DMTN: variants seen among roughly 807,000 people sequenced by gnomAD.
DMTN encodes dematin.
A neutral mutation model predicts 59.4 loss-of-function variants in DMTN; 27 were observed. The ratio of observed to expected loss-of-function variants is 0.45; its 90% confidence interval spans 0.33 to 0.63. The LOEUF is 0.63. Ranked by LOEUF, DMTN falls within the 20% of genes least tolerant of loss-of-function variation. The pLI, the probability that DMTN is intolerant of heterozygous loss-of-function variation, is 0.02. For missense variants in DMTN, 451 were observed against 528.9 expected, an observed-to-expected ratio of 0.85 and a Z score of 1.45; for synonymous variants, 221 against 203.7, an observed-to-expected ratio of 1.08 and a Z score of -0.72.
At chr8:22,067,264 C>A in intron 3 of DMTN, 105 bp downstream of exon 3, 1 of 1,332,926 alleles carries the variant, frequency 7.5e-7, no homozygotes, top group Non-Finnish European at 1.0e-6. Flanking sequence ...CAGTGGTGGT[C>A]CCTCCGGTGC....
intron 1 of DMTN, among the ~76,000 whole-genome samples, chr8:22,062,620 C>T (rs1410100007): frequency 6.6e-6 from 1 of 152,206 alleles, no homozygotes; most frequent in Non-Finnish European, 1.5e-5. Context: ...TTCTATCACA[C>T]TTCTTGGAAG....
At chr8:22,067,781 C>A in intron 4 of DMTN, 99 bp downstream of exon 4, 1 of 1,428,024 alleles carries the variant, frequency 7.0e-7, no homozygotes, top group Non-Finnish European at 9.4e-7. Context: ...TGGAGGTCTG[C>A]CTCGGCAAAA....
intron 11 of DMTN, 42 bp downstream of exon 11, chr8:22,080,286 C>T (rs117492336): frequency 1.1e-5 from 17 of 1,613,746 alleles, no homozygotes; most frequent in East Asian, 2.2e-5. Flanking sequence ...GTGGGAGGAA[C>T]GTGCATGTGG....
intron 1 of DMTN, among the ~76,000 whole-genome samples, chr8:22,061,160 G>A (rs920698878): frequency 6.6e-6 from 1 of 151,790 alleles, no homozygotes; most frequent in Non-Finnish European, 1.5e-5. Context: ...GAGTACTCCT[G>A]TAGTCCCAGC....
In DMTN at chr8:22,067,547, G is replaced by T. The variant is rs1354478882; in HGVS notation, c.114G>T (p.Val38=). The T allele has an allele frequency of 9.9e-6, 16 of 1,614,194 alleles. No homozygotes were observed. The highest frequency in any genetic ancestry group is 1.4e-5 in the Non-Finnish European group (16 of 1,180,040). ...TTCAGGCCAAGATGGACAATCAGGT[G>T]CTGGGCTACAAGGACCTGGCTGCCA... ...SSIVAKMDNQ[V]LGYKDLAAIP... Residue 38 remains valine, a synonymous_variant, in exon 4 of 16, where the codon GTG becomes GTT. Coordinates refer to ENST00000358242, the MANE Select transcript of DMTN (RefSeq NM_001387751.1).
rs970740537 is a variant in DMTN at position 22,058,930 on chromosome 8, C to T, written c.-172+1794C>T. On this transcript the variant is annotated intron_variant, in intron 1 of 15. Transcript: ENST00000358242. The surrounding 1 kb of genome is among the most constrained non-coding windows in gnomAD (Gnocchi z 4.3). ...GTCCTTTTCCAGTGGCGGGGGGGTG[C>T]GGGGAGCAAGGTGCCCTACCCCACC... 1.3e-5 allele frequency among the ~76,000 whole-genome samples: 2 copies of T among 151,814 alleles called. No individual in the cohort carries two copies. Among genetic ancestry groups the T allele is most frequent in the African/African-American group, 4.8e-5 (2 of 41,384 alleles).
upstream of DMTN, chr8:22,053,882 G>T (rs1024356225): frequency 6.6e-6 from 1 of 152,514 alleles, no homozygotes; most frequent in Non-Finnish European, 1.5e-5. Flanking sequence ...GGCACCTGTT[G>T]TTCAGTGTTG....
At chr8:22,049,569 A>ACCCCCC (rs56893612), upstream of DMTN, among the ~76,000 whole-genome samples, 1 of 126,566 alleles carries the variant, frequency 7.9e-6, no homozygotes, top group African/African-American at 3.0e-5. Context: ...CGCAGGGACA[A>ACCCCCC]CCCCCCCCCC....
At chr8:22,069,711 A>G (rs1813727617) in intron 6 of DMTN, among the ~76,000 whole-genome samples, 170 bp from the exon 7 acceptor site, 1 of 152,138 alleles carries the variant, frequency 6.6e-6, no homozygotes, top group Non-Finnish European at 1.5e-5. Context: ...GGAAAAGTGT[A>G]AAATGTCCCA....
upstream of DMTN, among the ~76,000 whole-genome samples, chr8:22,055,741 G>A (rs569055660): frequency 6.6e-6 from 1 of 151,826 alleles, no homozygotes; most frequent in African/African-American, 2.4e-5. Context: ...TCTCTCTGGA[G>A]CCCATCCCTC....
chr8:22,050,188 G>A (rs1490762893), upstream of DMTN, among the ~76,000 whole-genome samples: 4 of 152,196 alleles, frequency 2.6e-5, no homozygotes, highest in African/African-American at 9.7e-5. Context: ...GTGGTCTGGA[G>A]CCACAGCTGA....
chr8:22,067,488 C>A, intron 3 of DMTN, 39 bp from the exon 4 acceptor site: 1 of 1,611,904 alleles, frequency 6.2e-7, no homozygotes. Flanking sequence ...CTAGGCGGGG[C>A]TTTCGGCACA....
At position 22,080,836 on chromosome 8, in the gene DMTN, G is replaced by C. The variant is rs774525104; in HGVS notation, c.989G>C (p.Arg330Pro). Reference protein sequence around the residue: ...NGEGQRGRMDRGNSLPCVLEQ... With the variant: ...NGEGQRGRMDPGNSLPCVLEQ... ...GAGGGCCAGAGGGGGAGGATGGACC[G>C]GGGGAACTCCCTGCCCTGTGTGCTG... The change falls in exon 14 of 16, where the codon CGG becomes CCG. Residue 330 changes from arginine (R) to proline (P), a missense_variant. Transcript: ENST00000358242. 1.3e-6 allele frequency: 2 copies of C among 1,597,370 alleles called. No individual in the cohort carries two copies.
At chr8:22,070,721 T>G (rs551617437) in intron 8 of DMTN, among the ~76,000 whole-genome samples, 3 of 152,328 alleles carry the variant, frequency 2.0e-5, no homozygotes, top group Non-Finnish European at 4.4e-5. Flanking sequence ...CAGGTGTAAT[T>G]GGTTACCTGC....
rs765197102 is a variant in DMTN at position 22,069,945 on chromosome 8, C to T, written c.451+8C>T. On this transcript the variant is annotated splice_region_variant and intron_variant, in intron 7 of 15. Coordinates refer to ENST00000358242, the MANE Select transcript of DMTN (RefSeq NM_001387751.1). ...CCATCTATAAGCAGAGAGGTGAGGGCGCCCCTGGCTCACCAGAGCCTGCTT... is the reference window on the plus strand; with the variant it reads ...CCATCTATAAGCAGAGAGGTGAGGGTGCCCCTGGCTCACCAGAGCCTGCTT... 7.4e-6 allele frequency: 12 copies of T among 1,613,902 alleles called. No homozygotes were observed. The highest frequency in any genetic ancestry group is 1.6e-4 in the Middle Eastern group (1 of 6,080).
chr8:22,076,759 TACAC>T (rs954333950), intron 10 of DMTN, among the ~76,000 whole-genome samples: 1 of 151,238 alleles, frequency 6.6e-6, no homozygotes, highest in Admixed American at 6.6e-5. Flanking sequence ...GACATATATA[TACAC>T]ACACACACAC....
intron 10 of DMTN, among the ~76,000 whole-genome samples, chr8:22,075,934 T>C (rs1404015866): frequency 6.6e-6 from 1 of 152,172 alleles, no homozygotes; most frequent in African/African-American, 2.4e-5. Context: ...TCCAATAGAC[T>C]GGATAAGGGC....
At chr8:22,078,988 C>T (rs1256428444) in intron 10 of DMTN, among the ~76,000 whole-genome samples, 2 of 151,172 alleles carry the variant, frequency 1.3e-5, no homozygotes, top group Admixed American at 6.6e-5. Context: ...TTAGTCGAGA[C>T]GGGGTTTCAC....
Position 22,081,513 on chromosome 8 carries a change from T to A in DMTN, c.*50T>A, listed in dbSNP as rs1179653698. 2.6e-6 allele frequency: 4 copies of A among 1,547,962 alleles called. No individual in the cohort carries two copies. Among genetic ancestry groups the A allele is most frequent in the East Asian group, 2.2e-5 (1 of 44,518 alleles). ...CCCCCTTACCCCTGCTGCTTCAGGG[T>A]TTTTCCCCGGCGGGTTGGGAGGGGC... On this transcript the variant is annotated 3_prime_UTR_variant, in exon 16 of 16. Coordinates refer to ENST00000358242, the MANE Select transcript of DMTN (RefSeq NM_001387751.1).
Sources: allele counts gnomAD v4.1 joint callset (sites outside exome capture counted in the v4.1 genomes callset), GRCh38; gene constraint gnomAD v4.1.1; non-coding constraint Gnocchi (gnomAD v3.1); transcripts MANE v1.5; gene names NCBI Gene and HGNC (gene_info 2026-07-23, HGNC 2026-07-21).